The following TNFRSF8 variants were observed in gnomAD, a reference collection of about 807,000 sequenced individuals.
The protein encoded by TNFRSF8 is TNF receptor superfamily member 8, also known as tumor necrosis factor receptor superfamily member 8.
A neutral mutation model predicts 70.8 loss-of-function variants in TNFRSF8; 26 were observed. The observed-to-expected ratio is 0.37, with a 90% CI of 0.27 to 0.51. The LOEUF (loss-of-function observed/expected upper bound fraction) is 0.51, where lower values mean the gene tolerates loss of function less well. Among genes scored for constraint, TNFRSF8 ranks in the 20% least tolerant of loss-of-function variants. The pLI is 0.94. For synonymous variants in TNFRSF8, 356 were observed against 339.2 expected (o/e 1.05, Z -0.54); for missense variants, 720 against 807.9 (o/e 0.89, Z 1.32).
chr1:12,066,357 T>TG, intron 1 of TNFRSF8, among the ~76,000 whole-genome samples: 1 of 151,080 alleles, frequency 6.6e-6, no homozygotes, highest in East Asian at 1.9e-4. Context: ...GTTTAAAATT[T>TG]TTTTTTTTTT....
chr1:12,109,773 C>A lies in TNFRSF8; in HGVS notation c.512+117C>A. On this transcript the variant is annotated intron_variant, in intron 5 of 14. Transcript: ENST00000263932. This position sits in a 1 kb window ranked among gnomAD's most constrained non-coding sequence, Gnocchi z 4.4. ...CTGGGGGTGTAAGCGGGATTCAGCC[C>A]ATGGTGTCAGCACTTTGGGGTGCCT... The A allele has an allele frequency of 1.0e-6, 1 of 958,814 alleles. No homozygotes were observed. The allele number at this position is 958,814 out of a possible 1,614,324, so 59.4% of individuals were successfully genotyped here. A position where few individuals can be genotyped will look rare whatever the true frequency, so the allele number is the denominator to read the frequency against.
At chr1:12,071,194 C>T (rs1435393768) in intron 1 of TNFRSF8, among the ~76,000 whole-genome samples, 1 of 152,332 alleles carries the variant, frequency 6.6e-6, no homozygotes, top group East Asian at 1.9e-4. Context: ...AATCCCAGCA[C>T]TTTGGAAGGC....
In TNFRSF8 at chr1:12,144,090, GGC is replaced by G. The variant is rs1642313703; in HGVS notation, c.*1562_*1563del. 1 of 152,252 alleles carries G rather than the reference GGC, an allele frequency of 6.6e-6. No homozygotes were observed. Among genetic ancestry groups the G allele is most frequent in the Admixed American group, 6.5e-5 (1 of 15,292 alleles). The allele number at this position is 152,252 out of a possible 1,614,324, so 9.4% of individuals were successfully genotyped here. On this transcript the variant is annotated 3_prime_UTR_variant, in exon 15 of 15. Transcript: ENST00000263932. ...ACACGCCTGCCAGGCAGGGCAGTCTGGCGCCCATGATGGGAGGGATTGACATG... is the reference window on the plus strand; with the variant it reads ...ACACGCCTGCCAGGCAGGGCAGTCTGGCCCATGATGGGAGGGATTGACATG...
chr1:12,120,397 G>C (rs1021957149), intron 8 of TNFRSF8, among the ~76,000 whole-genome samples: 1 of 152,204 alleles, frequency 6.6e-6, no homozygotes, highest in Admixed American at 6.5e-5. Flanking sequence ...ATGATTAGTA[G>C]AGTTGAAAAG....
At chr1:12,071,621 G>A (rs1420089990) in intron 1 of TNFRSF8, among the ~76,000 whole-genome samples, 1 of 149,932 alleles carries the variant, frequency 6.7e-6, no homozygotes, top group Non-Finnish European at 1.5e-5. Context: ...TTTTTTTTGA[G>A]CTCGATCTCT....
intron 8 of TNFRSF8, among the ~76,000 whole-genome samples, chr1:12,118,702 A>G (rs1261635914): frequency 6.6e-6 from 1 of 152,134 alleles, no homozygotes; most frequent in Non-Finnish European, 1.5e-5. Context: ...CATCATCTCT[A>G]GGTTCTCCAT....
chr1:12,102,266 C>T (rs1641438657), intron 3 of TNFRSF8, among the ~76,000 whole-genome samples: 1 of 152,190 alleles, frequency 6.6e-6, no homozygotes, highest in African/African-American at 2.4e-5. Flanking sequence ...GGTGGGGCTG[C>T]AACAGTCTCT....
Position 12,113,416 on chromosome 1 carries a change from C to T in TNFRSF8, c.793+1402C>T, listed in dbSNP as rs922075093. Among the ~76,000 whole-genome samples, 6 of 152,180 alleles carry T rather than the reference C, an allele frequency of 3.9e-5. No individual in the cohort carries two copies. Among genetic ancestry groups the T allele is most frequent in the South Asian group, 2.1e-4 (1 of 4,832 alleles). ...CCCAAACTCCTGGCCTCAAGTGATC[C>T]GCCGGCCTTGGCCTCCCAAAGTGTT... On this transcript the variant is annotated intron_variant, in intron 7 of 14. Transcript: ENST00000263932. The surrounding 1 kb of genome is among the most constrained non-coding windows in gnomAD (Gnocchi z 4.9).
Position 12,138,603 on chromosome 1 carries a change from C to A in TNFRSF8, c.1543+167C>A, listed in dbSNP as rs183424382. 1.3e-5 allele frequency among the ~76,000 whole-genome samples: 2 copies of A among 152,178 alleles called. No individual in the cohort carries two copies. Among genetic ancestry groups the A allele is most frequent in the African/African-American group, 2.4e-5 (1 of 41,440 alleles). On this transcript the variant is annotated intron_variant, in intron 14 of 14. Coordinates refer to ENST00000263932, the MANE Select transcript of TNFRSF8 (RefSeq NM_001243.5). This position sits in a 1 kb window ranked among gnomAD's most constrained non-coding sequence, Gnocchi z 5.7. ...TTGAAGTTTCTGTAAGTAGGGACAGCGAGGGTACTTACCTCGTAGGCCATT... is the reference window on the plus strand; with the variant it reads ...TTGAAGTTTCTGTAAGTAGGGACAGAGAGGGTACTTACCTCGTAGGCCATT...
At chr1:12,123,232 G>T in intron 8 of TNFRSF8, 52 bp from the exon 9 acceptor site, 1 of 1,515,036 alleles carries the variant, frequency 6.6e-7, no homozygotes, top group East Asian at 2.3e-5. Context: ...CTCTTTCCTG[G>T]AGACACCAGC....
rs753624698 is a variant in TNFRSF8, at chr1:12,063,849, A to G, written c.63+188A>G. 1.3e-5 allele frequency among the ~76,000 whole-genome samples: 2 copies of G among 152,086 alleles called. No individual in the cohort carries two copies. The highest frequency in any genetic ancestry group is 6.5e-5 in the Admixed American group (1 of 15,274). ...CAGGTGGGAGGCTGGCTGAAGGGCT[A>G]GTGGTGGGGGGCGCCTCCTTCTCAC... is the stretch of plus-strand genomic sequence containing the variant. On this transcript the variant is annotated intron_variant, in intron 1 of 14. Coordinates refer to ENST00000263932, the MANE Select transcript of TNFRSF8 (RefSeq NM_001243.5). The surrounding 1 kb of genome is among the most constrained non-coding windows in gnomAD (Gnocchi z 7.2).
intron 1 of TNFRSF8, among the ~76,000 whole-genome samples, chr1:12,075,177 G>A (rs1259869543): frequency 6.6e-6 from 1 of 151,942 alleles, no homozygotes; most frequent in Non-Finnish European, 1.5e-5. Flanking sequence ...CTGGGAGGCA[G>A]AGGTTATAGT....
At chr1:12,132,837 CAAAA>C (rs55643235) in intron 12 of TNFRSF8, among the ~76,000 whole-genome samples, 57 of 74,420 alleles carry the variant, frequency 7.7e-4, no homozygotes, top group African/African-American at 2.0e-3. Context: ...GACTCCATCT[CAAAA>C]AAAAAAAAAA....
At chr1:12,089,464 C>T (rs898447374) in intron 2 of TNFRSF8, among the ~76,000 whole-genome samples, 3 of 152,172 alleles carry the variant, frequency 2.0e-5, no homozygotes, top group Non-Finnish European at 4.4e-5. Flanking sequence ...CCATCCCACT[C>T]GCAGGTACAT....
chr1:12,140,890 C>G (rs1195482435), intron 14 of TNFRSF8, among the ~76,000 whole-genome samples: 5 of 152,020 alleles, frequency 3.3e-5, no homozygotes, highest in Admixed American at 2.6e-4. Context: ...TCCTCTCTCA[C>G]CACCCCCGGC....
At chr1:12,137,629 G>A (rs764217933) in intron 13 of TNFRSF8, among the ~76,000 whole-genome samples, 2 of 149,124 alleles carry the variant, frequency 1.3e-5, no homozygotes, top group African/African-American at 2.5e-5. Context: ...AGATTATATA[G>A]TATAGAGGTC....
At chr1:12,082,468 T>G (rs1641081144) in intron 1 of TNFRSF8, among the ~76,000 whole-genome samples, 1 of 150,246 alleles carries the variant, frequency 6.7e-6, no homozygotes, top group Non-Finnish European at 1.5e-5. Context: ...GAGGACTATT[T>G]CAGCCTGGGA....
rs11569891 is a variant in TNFRSF8, at chr1:12,114,336, G to A, written c.794-1241G>A. 5.5e-3 allele frequency among the ~76,000 whole-genome samples: 844 copies of A among 152,266 alleles called. 8 individuals carry two copies. Among genetic ancestry groups the A allele is most frequent in the African/African-American group, 0.02 (816 of 41,544 alleles). ...TCTCACACATACTCAGTTATCTTAAGAGCTATAATAATAATGATAATAGCT... is the reference window on the plus strand; with the variant it reads ...TCTCACACATACTCAGTTATCTTAAAAGCTATAATAATAATGATAATAGCT... On this transcript the variant is annotated intron_variant, in intron 7 of 14. Coordinates refer to ENST00000263932, the MANE Select transcript of TNFRSF8 (RefSeq NM_001243.5).
intron 3 of TNFRSF8, among the ~76,000 whole-genome samples, chr1:12,100,344 A>C (rs1264657461): frequency 1.3e-5 from 2 of 152,174 alleles, no homozygotes; most frequent in Non-Finnish European, 2.9e-5. Context: ...AACACTGTAC[A>C]CTTAGGCTAT....
Sources: allele counts gnomAD v4.1 joint callset (sites outside exome capture counted in the v4.1 genomes callset), GRCh38; gene constraint gnomAD v4.1.1; non-coding constraint Gnocchi (gnomAD v3.1); transcripts MANE v1.5; gene names NCBI Gene and HGNC (gene_info 2026-07-23, HGNC 2026-07-21).